The following SERPINB4 variants were observed in gnomAD, a reference collection of about 807,000 sequenced individuals.
The protein encoded by SERPINB4 is serpin family B member 4, also known as serpin B4.
In SERPINB4, 39 loss-of-function variants were observed where a neutral mutation model predicts 33.2. The ratio of observed to expected loss-of-function variants is 1.18; its 90% confidence interval spans 0.91 to 1.53. The LOEUF (loss-of-function observed/expected upper bound fraction) is 1.53. SERPINB4 is among the 40% of genes most tolerant of loss of function. The pLI is 0.00. For missense variants in SERPINB4, 564 were observed against 455.4 expected (o/e 1.24, Z -2.17); for synonymous variants, 191 against 166.4 (o/e 1.15, Z -1.14).
intron 7 of SERPINB4, 105 bp from the exon 8 acceptor site, chr18:63,638,228 G>T: frequency 7.7e-7 from 1 of 1,299,230 alleles, no homozygotes; most frequent in Non-Finnish European, 1.0e-6. Context: ...CAATAAATGT[G>T]AAATACAGAA....
chr18:63,642,498 T>C (rs1490099197), intron 3 of SERPINB4, among the ~76,000 whole-genome samples: 1 of 152,098 alleles, frequency 6.6e-6, no homozygotes, highest in Non-Finnish European at 1.5e-5. Context: ...AAAAAAACCC[T>C]GTTTATAGAG....
rs975748041 is a variant in SERPINB4, at chr18:63,643,332, C to T, written c.165+81G>A. On this transcript the variant is annotated intron_variant, in intron 2 of 7. Coordinates refer to ENST00000341074, the MANE Select transcript of SERPINB4 (RefSeq NM_002974.4). ...CCCCCTGTGCTACCCATCAGACCAC[C>T]ACATCTATTACCATCTGCGTGCTAG... is the stretch of plus-strand genomic sequence containing the variant. 11 of 1,609,186 alleles carry T rather than the reference C, an allele frequency of 6.8e-6. No individual in the cohort carries two copies. The African/African-American group carries it at 1.3e-4, about 20-fold the overall frequency.
chr18:63,637,901 T>C lies in SERPINB4; in HGVS notation c.991A>G (p.Lys331Glu), dbSNP rs761943541. 1 of 1,613,550 alleles carries C rather than the reference T, an allele frequency of 6.2e-7. No homozygotes were observed. Among genetic ancestry groups the C allele is most frequent in the East Asian group, 2.2e-5 (1 of 44,862 alleles). ...TCCTCAGTGACCTCCACAAAGGCCT[T>C]GTGTAGGACTTTAGATACTGAGAGA... ...HGLSVSKVLH[K>E]AFVEVTEEGV... The change falls in exon 8 of 8, where the codon AAG becomes GAG. Residue 331 changes from lysine (K) to glutamate (E), a missense_variant. Coordinates refer to ENST00000341074, the MANE Select transcript of SERPINB4 (RefSeq NM_002974.4).
rs1353843684 is a variant in SERPINB4, at chr18:63,643,202, G to A, written c.181C>T (p.Gln61Ter). 6.2e-7 allele frequency: 1 copy of A among 1,613,364 alleles called. No homozygotes were observed. The highest frequency in any genetic ancestry group is 2.2e-5 in the East Asian group (1 of 44,850). Reference protein sequence around the residue: ...QQISKVLHFDQVTENTTEKAA... With the variant: ...QQISKVLHFD ...TTTTCTGTGGTGTTCTCTGTGACTT[G>A]ATCAAAGTGAAGAACCTGGAAGAGA... The change falls in exon 3 of 8, where the codon CAA becomes TAA. Residue 61 changes from glutamine (Q) to a stop codon, truncating the protein, a stop_gained. Transcript: ENST00000341074. LOFTEE classifies it high-confidence loss of function.
chr18:63,639,850 T>G, intron 5 of SERPINB4, 74 bp from the exon 6 acceptor site: 1 of 1,333,960 alleles, frequency 7.5e-7, no homozygotes, highest in Non-Finnish European at 1.0e-6. Context: ...TTGCAAATGT[T>G]CGTGACTGAT....
At chr18:63,640,841 C>T (rs1913102037) in intron 5 of SERPINB4, 33 bp downstream of exon 5, 4 of 1,573,532 alleles carry the variant, frequency 2.5e-6, no homozygotes, top group Non-Finnish European at 3.5e-6. Context: ...ATAGGTTTCT[C>T]AAAGGTGTTT....
At chr18:63,641,483 A>T (rs931063605) in intron 4 of SERPINB4, among the ~76,000 whole-genome samples, 1 of 152,084 alleles carries the variant, frequency 6.6e-6, no homozygotes, top group African/African-American at 2.4e-5. Context: ...GTGCCAGTTT[A>T]TCGATGGTAT....
At chr18:63,638,167 C>G (rs768375413) in intron 7 of SERPINB4, 44 bp from the exon 8 acceptor site, 10 of 1,576,032 alleles carry the variant, frequency 6.3e-6, no homozygotes, top group African/African-American at 4.1e-5. Flanking sequence ...AACTGTCGAT[C>G]TCTAATACAC....
In SERPINB4 at chr18:63,641,874, T is replaced by C. The variant is rs1212518136; in HGVS notation, c.237A>G (p.Gly79=). The change falls in exon 4 of 8, where the codon GGA becomes GGG. Residue 79 remains glycine (G), a synonymous_variant. Coordinates refer to ENST00000341074, the MANE Select transcript of SERPINB4 (RefSeq NM_002974.4). ...GCTTTTGAAACTGGTGATGAACATTTCCTGACCTATCAACCTTCAAACATC... is the reference window on the plus strand; with the variant it reads ...GCTTTTGAAACTGGTGATGAACATTCCCTGACCTATCAACCTTCAAACATC... ...KAATYHVDRS[G]NVHHQFQKLL... The C allele has an allele frequency of 1.9e-6, 3 of 1,613,284 alleles. No individual in the cohort carries two copies. Among genetic ancestry groups the C allele is most frequent in the Admixed American group, 3.3e-5 (2 of 59,906 alleles).
chr18:63,643,572 A>G lies in SERPINB4; in HGVS notation c.6T>C (p.Asn2=). ...ACTTGGTGTTGGCTTCACTGAGTGA[A>G]TTCATGGTGAACTCGATGTGATCTG... M[N]SLSEANTKFM... Residue 2 remains asparagine (N), a synonymous_variant, in exon 2 of 8, where the codon AAT becomes AAC. Coordinates refer to ENST00000341074, the MANE Select transcript of SERPINB4 (RefSeq NM_002974.4). 1 of 1,613,420 alleles carries G rather than the reference A, an allele frequency of 6.2e-7. No individual in the cohort carries two copies. Among genetic ancestry groups the G allele is most frequent in the Non-Finnish European group, 8.5e-7 (1 of 1,179,530 alleles).
At chr18:63,643,335 A>G in intron 2 of SERPINB4, 78 bp downstream of exon 2, 2 of 1,609,428 alleles carry the variant, frequency 1.2e-6, no homozygotes, top group Non-Finnish European at 1.7e-6. Flanking sequence ...AGACCACCAC[A>G]TCTATTACCA....
At position 63,640,967 on chromosome 18, in the gene SERPINB4, A is replaced by C. The variant is rs776574301; in HGVS notation, c.376T>G (p.Phe126Val). 2 of 1,612,776 alleles carry C rather than the reference A, an allele frequency of 1.2e-6. No homozygotes were observed. The highest frequency in any genetic ancestry group is 1.7e-6 in the Non-Finnish European group (2 of 1,179,162). ...GTAGATTCCACACTGGTCTGGTAAA[A>C]TTTCTTGATGGCATCTAAATATTCC... Reference protein sequence around the residue: ...LQEYLDAIKKFYQTSVESTDF... With the variant: ...LQEYLDAIKKVYQTSVESTDF... Residue 126 changes from phenylalanine to valine, a missense_variant, in exon 5 of 8, where the codon TTT becomes GTT. By Grantham distance (50) the Phe-to-Val change is conservative. Coordinates refer to ENST00000341074, the MANE Select transcript of SERPINB4 (RefSeq NM_002974.4).
intron 3 of SERPINB4, 41 bp from the exon 4 acceptor site, chr18:63,641,929 A>G (rs1913147647): frequency 6.2e-7 from 1 of 1,610,294 alleles, no homozygotes; most frequent in Admixed American, 1.7e-5. Flanking sequence ...TTGCTGTATC[A>G]ATGTAAATAC....
At chr18:63,643,049 G>C in intron 3 of SERPINB4, 112 bp downstream of exon 3, 1 of 1,307,662 alleles carries the variant, frequency 7.6e-7, no homozygotes, top group Non-Finnish European at 1.1e-6. Flanking sequence ...CTCAATCTTT[G>C]TGTCCAAGAT....
In SERPINB4 at chr18:63,639,127, G is replaced by C. The variant is rs112317605; in HGVS notation, c.768+58C>G. The C allele has an allele frequency of 6.8e-5, 103 of 1,519,126 alleles. No individual in the cohort carries two copies. The African/African-American group carries it at 9.3e-4, about 14-fold the overall frequency. 94.1% of individuals were successfully genotyped at this position (1,519,126 alleles called of 1,614,324 possible). A position where few individuals can be genotyped will look rare whatever the true frequency, so the allele number is the denominator to read the frequency against. On this transcript the variant is annotated intron_variant, in intron 7 of 7. Coordinates refer to ENST00000341074, the MANE Select transcript of SERPINB4 (RefSeq NM_002974.4). ...ATAAGCTTTTACCTTGTTTAAACTTGGTATCTTTGGAAAAATGTCCGGCAG... is the reference window on the plus strand; with the variant it reads ...ATAAGCTTTTACCTTGTTTAAACTTCGTATCTTTGGAAAAATGTCCGGCAG...
rs1372565526 is a variant in SERPINB4 at position 63,639,354 on chromosome 18, A to G, written c.613-14T>C. ...TTTGTATGTATTCTGCAATAAATCA[A>G]TGTGTCCAACAAATAACACGTGAAA... is the stretch of plus-strand genomic sequence containing the variant. On this transcript the variant is annotated splice_polypyrimidine_tract_variant and intron_variant, in intron 6 of 7. Transcript: ENST00000341074. 7 of 1,593,744 alleles carry G rather than the reference A, an allele frequency of 4.4e-6. No individual in the cohort carries two copies. The African/African-American group carries it at 5.4e-5, about 12-fold the overall frequency.
In SERPINB4 at chr18:63,639,629, A is replaced by T. The variant is rs371712915; in HGVS notation, c.612+5T>A. 6.5e-7 allele frequency: 1 copy of T among 1,542,424 alleles called. No homozygotes were observed. Among genetic ancestry groups the T allele is most frequent in the African/African-American group, 1.4e-5 (1 of 73,108 alleles). ...TACACTATATAAATAAAATATAGAC[A>T]ATACCTTGTTTGGCCAAAATTTTTC... On this transcript the variant is annotated splice_donor_5th_base_variant and intron_variant, in intron 6 of 7. Transcript: ENST00000341074.
At chr18:63,642,636 A>G (rs1913173174) in intron 3 of SERPINB4, among the ~76,000 whole-genome samples, 1 of 152,120 alleles carries the variant, frequency 6.6e-6, no homozygotes, top group South Asian at 2.1e-4. Flanking sequence ...ATTTTCCAAA[A>G]TATACTTGGA....
rs916484687 is a variant in SERPINB4, at chr18:63,642,947, A to G, written c.222+214T>C. ...ACCCAGCCTATCCTGATCCAGACCT[A>G]TGCTCTGAGGTACAGTGCTGACTGT... is the stretch of plus-strand genomic sequence containing the variant. On this transcript the variant is annotated intron_variant, in intron 3 of 7. Coordinates refer to ENST00000341074, the MANE Select transcript of SERPINB4 (RefSeq NM_002974.4). 1.5e-5 allele frequency: 9 copies of G among 596,606 alleles called. No homozygotes were observed. In the Admixed American group the frequency reaches 1.8e-4, roughly 12 times the overall value. The allele number at this position is 596,606 out of a possible 1,614,324, so 37.0% of individuals were successfully genotyped here. A position where few individuals can be genotyped will look rare whatever the true frequency, so the allele number is the denominator to read the frequency against.
Sources: gnomAD v4.1 joint callset for allele counts (sites outside exome capture counted in the v4.1 genomes callset) on GRCh38, gnomAD v4.1.1 for gene constraint, MANE v1.5 for transcripts, NCBI Gene and HGNC (gene_info 2026-07-23, HGNC 2026-07-21) for gene names.